The following VPS8 variants were observed in gnomAD, a reference collection of about 807,000 sequenced individuals.
VPS8 encodes the protein vacuolar protein sorting-associated protein 8 homolog.
In VPS8, 129 loss-of-function variants were observed where a neutral mutation model predicts 216.4. The observed-to-expected ratio is 0.60, with a 90% CI of 0.52 to 0.69. The LOEUF is 0.69. Among genes scored for constraint, VPS8 ranks in the 30% least tolerant of loss-of-function variants. VPS8 has a pLI of 0.00. For synonymous variants in VPS8, 571 were observed against 565.4 expected (o/e 1.01, Z -0.14); for missense variants, 1,531 against 1,683.5 (o/e 0.91, Z 1.59).
intron 42 of VPS8, among the ~76,000 whole-genome samples, chr3:184,993,378 A>C (rs1752177638): frequency 6.6e-6 from 1 of 151,370 alleles, no homozygotes; most frequent in Non-Finnish European, 1.5e-5. Flanking sequence ...TTTTTTGTAC[A>C]CTTCAGTGTT....
At chr3:184,909,872 T>C (rs1217283165) in intron 25 of VPS8, among the ~76,000 whole-genome samples, 1 of 152,100 alleles carries the variant, frequency 6.6e-6, no homozygotes, top group East Asian at 1.9e-4. Context: ...CTCCAGTGAG[T>C]ATTTTTCTCC....
intron 24 of VPS8, 127 bp from the exon 25 acceptor site, chr3:184,900,794 C>T (rs1236099666): frequency 1.3e-6 from 1 of 774,144 alleles, no homozygotes; most frequent in Non-Finnish European, 2.0e-6. Context: ...TAAAGGTTTT[C>T]ATATTTAATC....
rs544836790 is a variant in VPS8 at position 184,910,229 on chromosome 3, G to T, written c.2147-3290G>T. On this transcript the variant is annotated intron_variant, in intron 25 of 47. Coordinates refer to ENST00000625842, the MANE Select transcript of VPS8 (RefSeq NM_001009921.3). ...GCTCACTGCAAGCTCCGCCTCCCGG[G>T]TTCACGCCATACTTCTGCCTTGGCC... Among the ~76,000 whole-genome samples the T allele has an allele frequency of 1.7e-4, 26 of 150,256 alleles. 2 individuals carry two copies. In the South Asian group the frequency reaches 5.5e-3, roughly 32 times the overall value.
chr3:185,041,978 G>C (rs1371042443), intron 46 of VPS8, among the ~76,000 whole-genome samples: 1 of 152,174 alleles, frequency 6.6e-6, no homozygotes, highest in Non-Finnish European at 1.5e-5. Context: ...TGAAATATGG[G>C]CAGGTGCTTG....
At chr3:184,848,851 G>A (rs576272166) in intron 8 of VPS8, among the ~76,000 whole-genome samples, 2 of 152,186 alleles carry the variant, frequency 1.3e-5, no homozygotes, top group Admixed American at 1.3e-4. Flanking sequence ...TTACAGGCAT[G>A]AGCCACCGCA....
At chr3:184,965,780 G>A (rs562081216) in intron 38 of VPS8, among the ~76,000 whole-genome samples, 15 of 152,300 alleles carry the variant, frequency 9.8e-5, no homozygotes, top group Non-Finnish European at 1.6e-4. Context: ...GACAATACTT[G>A]GGAGGCCATT....
intron 6 of VPS8, chr3:184,839,311 A>G (rs1721693863): frequency 5.1e-6 from 1 of 194,356 alleles, no homozygotes; most frequent in South Asian, 1.1e-4. Flanking sequence ...CCCTGCGGAT[A>G]AACTAGAGAA....
At chr3:184,935,412 A>G (rs1741425877) in intron 34 of VPS8, among the ~76,000 whole-genome samples, 1 of 152,216 alleles carries the variant, frequency 6.6e-6, no homozygotes, top group Non-Finnish European at 1.5e-5. Context: ...ATTATTATGA[A>G]TCTACAAGTA....
intron 22 of VPS8, among the ~76,000 whole-genome samples, chr3:184,888,253 G>T (rs1161584069): frequency 1.3e-5 from 2 of 152,160 alleles, no homozygotes; most frequent in Non-Finnish European, 2.9e-5. Flanking sequence ...CTCTCAGAGT[G>T]CTGGGATTAC....
chr3:185,030,634 A>G (rs1757985927), intron 46 of VPS8, among the ~76,000 whole-genome samples: 1 of 152,232 alleles, frequency 6.6e-6, no homozygotes, highest in Non-Finnish European at 1.5e-5. Context: ...CAGTGAAGAA[A>G]TACAGTTCCT....
chr3:184,906,260 CT>C (rs909345550), intron 25 of VPS8, among the ~76,000 whole-genome samples: 13 of 151,918 alleles, frequency 8.6e-5, no homozygotes, highest in East Asian at 5.8e-4. Context: ...TTGATTTCTA[CT>C]TTTTTTTGTG....
At position 184,872,935 on chromosome 3, in the gene VPS8, G is replaced by A. The variant is rs560834115; in HGVS notation, c.1734+2130G>A. On this transcript the variant is annotated intron_variant, in intron 21 of 47. Transcript: ENST00000625842. ...CAAATCACAGAACATCTATAAATAT[G>A]GAGAAAGGCATATAACTAAAGATAC... Among the ~76,000 whole-genome samples, 34 of 152,156 alleles carry A rather than the reference G, an allele frequency of 2.2e-4. 2 individuals carry two copies. The South Asian group carries it at 6.4e-3, about 29-fold the overall frequency.
At chr3:184,886,794 T>C (rs1348920754) in intron 22 of VPS8, among the ~76,000 whole-genome samples, 1 of 152,054 alleles carries the variant, frequency 6.6e-6, no homozygotes, top group African/African-American at 2.4e-5. Context: ...TTGGCCAGGC[T>C]GGTCTCAAAC....
chr3:184,944,040 T>TGC (rs962047618), intron 36 of VPS8, among the ~76,000 whole-genome samples: 1 of 98,258 alleles, frequency 1.0e-5, no homozygotes, highest in Non-Finnish European at 2.2e-5. Context: ...AGGCAGAGGT[T>TGC]GCACACACAC....
chr3:184,947,609 G>T (rs1428421423), intron 36 of VPS8, among the ~76,000 whole-genome samples: 1 of 151,836 alleles, frequency 6.6e-6, no homozygotes, highest in East Asian at 1.9e-4. Context: ...TTAGCAAGAG[G>T]CATGTCTGTG....
intron 29 of VPS8, among the ~76,000 whole-genome samples, chr3:184,922,915 A>G (rs1032556610): frequency 5.9e-5 from 9 of 152,150 alleles, no homozygotes; most frequent in African/African-American, 1.9e-4. Context: ...ATAATAACCA[A>G]TTAGACACTT....
chr3:184,854,239 T>C, intron 13 of VPS8, 66 bp downstream of exon 13: 1 of 1,534,396 alleles, frequency 6.5e-7, no homozygotes, highest in Non-Finnish European at 9.0e-7. Context: ...GAGAGATGGC[T>C]TGCAAGGGGT....
At chr3:184,888,689 T>A (rs993093320) in intron 22 of VPS8, among the ~76,000 whole-genome samples, 6 of 152,162 alleles carry the variant, frequency 3.9e-5, no homozygotes, top group African/African-American at 1.4e-4. Flanking sequence ...CTAGTACTAA[T>A]AAGTACTGGA....
intron 42 of VPS8, among the ~76,000 whole-genome samples, chr3:184,983,331 C>A (rs1170900636): frequency 6.6e-6 from 1 of 152,104 alleles, no homozygotes; most frequent in Non-Finnish European, 1.5e-5. Context: ...GGGCGTGCGG[C>A]CTTCAGATAT....
Sources: gnomAD v4.1 joint callset for allele counts (sites outside exome capture counted in the v4.1 genomes callset) on GRCh38, gnomAD v4.1.1 for gene constraint, MANE v1.5 for transcripts, NCBI Gene and HGNC (gene_info 2026-07-23, HGNC 2026-07-21) for gene names.